The following EIF4G3 variants were observed in gnomAD, a reference collection of about 807,000 sequenced individuals.
The protein encoded by EIF4G3 is eukaryotic translation initiation factor 4 gamma 3, also known as eIF-4-gamma 3.
A neutral mutation model predicts 186.4 loss-of-function variants in EIF4G3; 34 were observed. That is an observed-to-expected ratio of 0.18 (90% confidence interval 0.14 to 0.24). The LOEUF is 0.24. Ranked by LOEUF, EIF4G3 falls within the 10% of genes least tolerant of loss-of-function variation. The probability of loss-of-function intolerance (pLI) is 1.00; values close to 1 mark genes in which losing one functional copy is unlikely to be tolerated. For synonymous variants in EIF4G3, 673 were observed against 679.5 expected (o/e 0.99, Z 0.15); for missense variants, 1,536 against 1,948.5 (o/e 0.79, Z 3.99).
chr1:21,017,508 G>A (rs915750025), intron 4 of EIF4G3, among the ~76,000 whole-genome samples: 21 of 151,482 alleles, frequency 1.4e-4, no homozygotes, highest in Admixed American at 1.1e-3. Flanking sequence ...GGCACCTGTA[G>A]TTCCAGCTAC....
intron 3 of EIF4G3, among the ~76,000 whole-genome samples, chr1:21,072,889 T>C (rs370269134): frequency 1.3e-5 from 2 of 152,308 alleles, no homozygotes; most frequent in African/African-American, 4.8e-5. Flanking sequence ...ATCTGAGTGA[T>C]GACTGTGTAT....
At chr1:21,176,101 T>C in intron 2 of EIF4G3, 74 bp downstream of exon 2, 1 of 280,242 alleles carries the variant, frequency 3.6e-6, no homozygotes, top group Non-Finnish European at 6.6e-6. Flanking sequence ...GGCAGGAGGG[T>C]CCCCTGGGCT....
rs1553142461 is a variant in EIF4G3, at chr1:21,017,652, A to AAG, written c.-66-14845_-66-14844insCT. ...CAAAAAAAAAAAAAAAAAAAAAAAA[A>AAG]AAGAAGTTTAGTGTCCTTAATCCAA... On this transcript the variant is annotated intron_variant, in intron 4 of 36. Coordinates refer to ENST00000602326, the MANE Select transcript of EIF4G3 (RefSeq NM_001391906.1). Among the ~76,000 whole-genome samples the AAG allele has an allele frequency of 6.6e-4, 85 of 129,412 alleles. 7 individuals carry two copies. The highest frequency in any genetic ancestry group is 2.0e-3 in the South Asian group (8 of 4,056). 84.9% of individuals were successfully genotyped at this position (129,412 alleles called of 152,430 possible).
intron 14 of EIF4G3, among the ~76,000 whole-genome samples, chr1:20,923,052 G>A (rs769234761): frequency 9.9e-5 from 15 of 152,128 alleles, no homozygotes; most frequent in Non-Finnish European, 7.4e-5. Flanking sequence ...GAGAGTAAAG[G>A]TTGGGGCTAG....
Position 20,942,348 on chromosome 1 carries a change from A to T in EIF4G3, c.824-18T>A, listed in dbSNP as rs761798861. 6.5e-7 allele frequency: 1 copy of T among 1,534,636 alleles called. No individual in the cohort carries two copies. Among genetic ancestry groups the T allele is most frequent in the South Asian group, 1.3e-5 (1 of 76,492 alleles). On this transcript the variant is annotated intron_variant, in intron 13 of 36. Coordinates refer to ENST00000602326, the MANE Select transcript of EIF4G3 (RefSeq NM_001391906.1). ...CTTCTCCTCTGGGGAAAAAAAAATA[A>T]GTTTTAAGAATAATTCTTGGATCAG...
intron 18 of EIF4G3, among the ~76,000 whole-genome samples, chr1:20,889,261 A>C (rs2085186272): frequency 6.6e-6 from 1 of 152,182 alleles, no homozygotes; most frequent in Non-Finnish European, 1.5e-5. Flanking sequence ...TATACACCTA[A>C]ATTTTTAAAG....
chr1:20,844,439 G>A (rs978301779), intron 29 of EIF4G3, among the ~76,000 whole-genome samples: 1 of 151,414 alleles, frequency 6.6e-6, no homozygotes, highest in Non-Finnish European at 1.5e-5. Flanking sequence ...TTGGCCACAT[G>A]TATGTCTTCC....
intron 3 of EIF4G3, among the ~76,000 whole-genome samples, chr1:21,066,649 A>G (rs940674418): frequency 6.6e-6 from 1 of 152,214 alleles, no homozygotes; most frequent in African/African-American, 2.4e-5. Flanking sequence ...AGGGAACTGT[A>G]TAAAGTTGAA....
intron 33 of EIF4G3, among the ~76,000 whole-genome samples, chr1:20,824,357 T>C (rs559208339): frequency 3.3e-5 from 5 of 152,348 alleles, no homozygotes; most frequent in African/African-American, 1.2e-4. Context: ...TCAGATTGCA[T>C]TCTTGTTCTC....
At chr1:21,007,515 T>TAAAAAAAAAAAAAAAAAAAAAAAAAAA in intron 4 of EIF4G3, among the ~76,000 whole-genome samples, 1 of 14,878 alleles carries the variant, frequency 6.7e-5, no homozygotes, top group Non-Finnish European at 2.0e-4. Flanking sequence ...GGCCCCTCCT[T>TAAAAAAAAAAAAAAAAAAAAAAAAAAA]AAAAAAAAAA....
In EIF4G3 at chr1:20,858,724, C is replaced by T. The variant is rs372306495; in HGVS notation, c.3245-1227G>A. ...ATACTTGCTGAATGAGGGCCGTGTGCGGTGGCTCACGCCTGTAATCCCAGC... is the reference window on the plus strand; with the variant it reads ...ATACTTGCTGAATGAGGGCCGTGTGTGGTGGCTCACGCCTGTAATCCCAGC... On this transcript the variant is annotated intron_variant, in intron 24 of 36. Coordinates refer to ENST00000602326, the MANE Select transcript of EIF4G3 (RefSeq NM_001391906.1). Among the ~76,000 whole-genome samples, 35 of 152,240 alleles carry T rather than the reference C, an allele frequency of 2.3e-4. 3 individuals are homozygous for T. The highest frequency in any genetic ancestry group is 6.3e-4 in the African/African-American group (26 of 41,526).
intron 2 of EIF4G3, among the ~76,000 whole-genome samples, chr1:21,128,662 A>C (rs549753571): frequency 7.9e-5 from 12 of 152,234 alleles, no homozygotes; most frequent in African/African-American, 2.9e-4. Context: ...ACCTAGCTCG[A>C]GTTATTTTTT....
At chr1:20,856,256 G>A (rs2074869290) in intron 25 of EIF4G3, among the ~76,000 whole-genome samples, 1 of 152,154 alleles carries the variant, frequency 6.6e-6, no homozygotes, top group Non-Finnish European at 1.5e-5. Context: ...AGATGCAAAT[G>A]ACATAGCCCA....
intron 2 of EIF4G3, among the ~76,000 whole-genome samples, chr1:21,138,989 A>G (rs1002230911): frequency 2.6e-5 from 4 of 152,190 alleles, no homozygotes; most frequent in Non-Finnish European, 5.9e-5. Context: ...GGCTCAAGCA[A>G]TCCTCCTGCC....
intron 2 of EIF4G3, among the ~76,000 whole-genome samples, chr1:21,091,147 T>A (rs1483566039): frequency 6.6e-6 from 1 of 152,162 alleles, no homozygotes; most frequent in Non-Finnish European, 1.5e-5. Flanking sequence ...CTTCTTTTTT[T>A]AATTTTTTAT....
chr1:21,153,028 T>C (rs1381197033), intron 2 of EIF4G3, among the ~76,000 whole-genome samples: 1 of 152,166 alleles, frequency 6.6e-6, no homozygotes, highest in Non-Finnish European at 1.5e-5. Context: ...CACAAAATGA[T>C]TCCTAAATGC....
chr1:20,950,281 G>A (rs1442792182), intron 12 of EIF4G3, among the ~76,000 whole-genome samples, 170 bp from the exon 13 acceptor site: 1 of 152,068 alleles, frequency 6.6e-6, no homozygotes, highest in Admixed American at 6.6e-5. Flanking sequence ...AAAGTACATG[G>A]GAAGTCAGGG....
At chr1:21,087,529 T>C (rs542082238) in intron 3 of EIF4G3, among the ~76,000 whole-genome samples, 1 of 152,226 alleles carries the variant, frequency 6.6e-6, no homozygotes, top group Non-Finnish European at 1.5e-5. Flanking sequence ...GCATAATGGC[T>C]CATGTCTATA....
chr1:20,997,570 G>C (rs1445695055), intron 7 of EIF4G3, 31 bp downstream of exon 7: 1 of 1,547,104 alleles, frequency 6.5e-7, no homozygotes, highest in Non-Finnish European at 8.7e-7. Context: ...TATTAGTTAA[G>C]GGTGATAGTG....
Sources: gnomAD v4.1 joint callset for allele counts (sites outside exome capture counted in the v4.1 genomes callset) on GRCh38, gnomAD v4.1.1 for gene constraint, MANE v1.5 for transcripts, NCBI Gene and HGNC (gene_info 2026-07-23, HGNC 2026-07-21) for gene names.